Variants in DOK7 observed in about 807,000 individuals in gnomAD.
DOK7 encodes the protein protein Dok-7.
DOK7 carries 32 observed loss-of-function variants against 30.7 expected under a neutral mutation model. The ratio of observed to expected loss-of-function variants is 1.04; its 90% CI spans 0.79 to 1.40. The LOEUF is 1.40. Among genes scored for constraint, DOK7 ranks in the 40% most tolerant of loss-of-function variants. The probability of loss-of-function intolerance (pLI) is 0.00; values close to 1 mark genes in which losing one functional copy is unlikely to be tolerated. For missense variants in DOK7, 1,007 were observed against 699.2 expected (o/e 1.44, Z -4.97); for synonymous variants, 447 against 324.1 (o/e 1.38, Z -4.07).
Position 3,493,283 on chromosome 4 carries a change from G to C in DOK7, c.1297G>C (p.Asp433His), listed in dbSNP as rs774060578. 2 of 1,609,932 alleles carry C rather than the reference G, an allele frequency of 1.2e-6. No individual in the cohort carries two copies. Among genetic ancestry groups the C allele is most frequent in the Non-Finnish European group, 1.7e-6 (2 of 1,178,762 alleles). The change falls in exon 7 of 7, where the codon GAC (aspartate) becomes CAC (histidine). Residue 433 changes from aspartate to histidine, a missense_variant. Physicochemically the swap from Asp to His is moderately conservative, Grantham distance 81. Coordinates refer to ENST00000340083, the MANE Select transcript of DOK7 (RefSeq NM_173660.5). Reference protein sequence around the residue: ...QGSPGNSAARDSGGQTSAGCP... With the variant: ...QGSPGNSAARHSGGQTSAGCP... ...CAGCCCCGGCAACAGTGCGGCCAGGGACTCAGGCGGCCAGACGTCCGCCGG... is the reference window on the plus strand; with the variant it reads ...CAGCCCCGGCAACAGTGCGGCCAGGCACTCAGGCGGCCAGACGTCCGCCGG...
chr4:3,497,654 C>A (rs1728988536), downstream of DOK7, among the ~76,000 whole-genome samples: 1 of 152,030 alleles, frequency 6.6e-6, no homozygotes, highest in Non-Finnish European at 1.5e-5. Context: ...GCAGGTGGCA[C>A]CTACAGGGGG....
chr4:3,493,874 G>A lies in DOK7; in HGVS notation c.*373G>A, dbSNP rs537512851. 212 of 1,124,570 alleles carry A rather than the reference G, an allele frequency of 1.9e-4. 1 individual carries two copies. The African/African-American group carries it at 3.2e-3, about 17-fold the overall frequency. The allele number at this position is 1,124,570 out of a possible 1,614,324, so 69.7% of individuals were successfully genotyped here. A position where few individuals can be genotyped will look rare whatever the true frequency, so the allele number is the denominator to read the frequency against. ...CTGCCGCTGGCCTTGTCCTCCTTGG[G>A]CCTCACGCCCCCTTCGGGGGTGGCC... is the stretch of plus-strand genomic sequence containing the variant. On this transcript the variant is annotated 3_prime_UTR_variant, in exon 7 of 7. Coordinates refer to ENST00000340083, the MANE Select transcript of DOK7 (RefSeq NM_173660.5).
At chr4:3,485,842 G>T (rs1727746407) in intron 5 of DOK7, among the ~76,000 whole-genome samples, 184 bp downstream of exon 5, 1 of 152,256 alleles carries the variant, frequency 6.6e-6, no homozygotes, top group Non-Finnish European at 1.5e-5. Flanking sequence ...CCTGCTGAGG[G>T]ATTCAGAGCA....
Position 3,463,455 on chromosome 4 carries a change from G to GT in DOK7, c.54+26_54+27insT, listed in dbSNP as rs756061120. On this transcript the variant is annotated intron_variant, in intron 1 of 6. Coordinates refer to ENST00000340083, the MANE Select transcript of DOK7 (RefSeq NM_173660.5). ...GTCGGGGCGCGTCGGGGGCGCGGGG[G>GT]GGGGGGGCGCGGGCGCGGGCGGCGG... The GT allele has an allele frequency of 2.6e-5, 37 of 1,412,562 alleles. No homozygotes were observed. The East Asian group carries it at 3.2e-4, about 12-fold the overall frequency. 87.5% of individuals were successfully genotyped at this position (1,412,562 alleles called of 1,614,324 possible). A position where few individuals can be genotyped will look rare whatever the true frequency, so the allele number is the denominator to read the frequency against.
intron 6 of DOK7, 85 bp downstream of exon 6, chr4:3,489,881 G>T (rs1290301398): frequency 2.0e-5 from 30 of 1,511,400 alleles, no homozygotes; most frequent in Middle Eastern, 1.7e-4. Context: ...CATGTGTGGG[G>T]GCTGCAGGCT....
At position 3,493,906 on chromosome 4, in the gene DOK7, C is replaced by A; in HGVS notation, c.*405C>A. The stretch of plus-strand genomic sequence containing the variant: ...GCCCCCTTCGGGGGTGGCCGGTTCT[C>A]CCCATCACCTCTCTGGGGCAGTCAC... On this transcript the variant is annotated 3_prime_UTR_variant, in exon 7 of 7. Coordinates refer to ENST00000340083, the MANE Select transcript of DOK7 (RefSeq NM_173660.5). 9.4e-7 allele frequency: 1 copy of A among 1,058,942 alleles called. No individual in the cohort carries two copies. The highest frequency in any genetic ancestry group is 1.1e-6 in the Non-Finnish European group (1 of 877,976). 65.6% of individuals were successfully genotyped at this position (1,058,942 alleles called of 1,614,324 possible).
downstream of DOK7, among the ~76,000 whole-genome samples, chr4:3,498,576 C>G (rs1729036602): frequency 6.6e-6 from 1 of 152,200 alleles, no homozygotes. Flanking sequence ...AGACGCCAGG[C>G]CCCGGCGCTC....
intron 4 of DOK7, among the ~76,000 whole-genome samples, chr4:3,476,772 A>G (rs1198442820): frequency 6.6e-6 from 1 of 151,972 alleles, no homozygotes; most frequent in East Asian, 1.9e-4. Context: ...GCTCTTCCTC[A>G]CTGGAGGGAG....
At chr4:3,500,818 C>T (rs894584636) in exon 8 of DOK7, 45 of 1,531,340 alleles carry the variant, frequency 2.9e-5, no homozygotes, top group South Asian at 6.0e-5. Flanking sequence ...AAGGCAGCCC[C>T]GCAGTGAGGT....
intron 4 of DOK7, chr4:3,484,401 T>C (rs558405297): frequency 2.7e-5 from 19 of 713,130 alleles, no homozygotes; most frequent in Middle Eastern, 1.4e-3. Context: ...AGATTTCCCT[T>C]CCCCCCAACT....
Position 3,489,723 on chromosome 4 carries a change from G to C in DOK7, c.699G>C (p.Gln233His). The C allele has an allele frequency of 1.3e-6, 2 of 1,564,938 alleles. No homozygotes were observed. Among genetic ancestry groups the C allele is most frequent in the South Asian group, 1.2e-5 (1 of 85,022 alleles). ...CGACTGTGGAGGAGCGTGTGGCCCAGGAAGCCCTGGAAACCCTACAGCTGG... is the reference window on the plus strand; with the variant it reads ...CGACTGTGGAGGAGCGTGTGGCCCACGAAGCCCTGGAAACCCTACAGCTGG... ...GPSTVEERVAQEALETLQLEK... is the reference protein window; with the variant it reads ...GPSTVEERVAHEALETLQLEK... Residue 233 changes from glutamine to histidine, a missense_variant, in exon 6 of 7, where the codon CAG (glutamine) becomes CAC (histidine). Gln to His is a conservative substitution (Grantham distance 24). Transcript: ENST00000340083.
intron 4 of DOK7, among the ~76,000 whole-genome samples, chr4:3,481,762 A>G (rs996695806): frequency 5.9e-5 from 9 of 152,190 alleles, no homozygotes; most frequent in African/African-American, 2.2e-4. Context: ...CCACGAGGGC[A>G]CTCAAGAATA....
chr4:3,501,093 C>T (rs1577194725), exon 8 of DOK7: 2 of 512,444 alleles, frequency 3.9e-6, no homozygotes, highest in Non-Finnish European at 6.8e-6. Context: ...TGCTTCCAGG[C>T]ATCAGGCAGC....
At chr4:3,500,620 G>A in intron 7 of DOK7, 1 of 1,533,680 alleles carries the variant, frequency 6.5e-7, no homozygotes, top group South Asian at 1.2e-5. Flanking sequence ...CTGGGGGACT[G>A]GTGTGGAGGG....
rs552607897 is a variant in DOK7, at chr4:3,469,122, A to G, written c.101-4284A>G. The stretch of plus-strand genomic sequence containing the variant: ...TGTGTGCGTGCATGTATGTGTGCAC[A>G]CATTGTGTGTGTGCGTGTATGTGTC... On this transcript the variant is annotated intron_variant, in intron 2 of 6. Coordinates refer to ENST00000340083, the MANE Select transcript of DOK7 (RefSeq NM_173660.5). Among the ~76,000 whole-genome samples the G allele has an allele frequency of 7.3e-3, 1,033 of 141,508 alleles. 4 individuals carry two copies. The highest frequency in any genetic ancestry group is 0.027 in the African/African-American group (994 of 37,242). The allele number at this position is 141,508 out of a possible 152,430, so 92.8% of individuals were successfully genotyped here.
At chr4:3,478,115 C>T (rs967369979) in intron 4 of DOK7, among the ~76,000 whole-genome samples, 4 of 152,154 alleles carry the variant, frequency 2.6e-5, no homozygotes, top group South Asian at 2.1e-4. Flanking sequence ...CCATACCTTC[C>T]TTTCTGTCTG....
intron 5 of DOK7, among the ~76,000 whole-genome samples, chr4:3,488,508 G>A (rs370758931): frequency 6.6e-6 from 1 of 152,240 alleles, no homozygotes; most frequent in East Asian, 1.9e-4. Context: ...GGGTCGGGAC[G>A]TCTGGCTCCA....
intron 2 of DOK7, among the ~76,000 whole-genome samples, chr4:3,466,114 G>A (rs140454436): frequency 1.2e-3 from 175 of 151,748 alleles, no homozygotes; most frequent in South Asian, 2.1e-3. Context: ...TCACCATGGT[G>A]GGGGGAAGCT....
chr4:3,484,734 T>G, intron 4 of DOK7: 1 of 985,486 alleles, frequency 1.0e-6, no homozygotes, highest in African/African-American at 1.7e-5. Flanking sequence ...GCACACGGCC[T>G]CAGGGCAGCA....
Sources: allele counts gnomAD v4.1 joint callset (sites outside exome capture counted in the v4.1 genomes callset), GRCh38; gene constraint gnomAD v4.1.1; transcripts MANE v1.5; gene names NCBI Gene and HGNC (gene_info 2026-07-23, HGNC 2026-07-21).